The following FSTL5 variants were observed in gnomAD, a reference collection of about 807,000 sequenced individuals.
FSTL5 encodes the protein follistatin-related protein 5.
FSTL5 carries 62 observed loss-of-function variants against 89.1 expected under a neutral mutation model. That is an observed-to-expected ratio of 0.70 (90% CI 0.57 to 0.86). FSTL5 has a LOEUF of 0.86. FSTL5 is among the 40% of genes least tolerant of loss of function. The pLI, the probability that FSTL5 is intolerant of heterozygous loss-of-function variation, is 0.00. For missense variants in FSTL5, 1,057 were observed against 1,001.6 expected (o/e 1.06, Z -0.75); for synonymous variants, 383 against 346.2 (o/e 1.11, Z -1.18).
intron 2 of FSTL5, among the ~76,000 whole-genome samples, chr4:162,095,207 A>G (rs756528249): frequency 1.3e-5 from 2 of 152,124 alleles, no homozygotes; most frequent in Non-Finnish European, 1.5e-5. Flanking sequence ...GTTTCAAGAG[A>G]GGCCAAGTCT....
intron 6 of FSTL5, among the ~76,000 whole-genome samples, chr4:161,693,731 C>T (rs995129894): frequency 5.1e-4 from 76 of 150,192 alleles, no homozygotes; most frequent in Non-Finnish European, 4.7e-4. Flanking sequence ...CTCTGCATCC[C>T]GGGTTCACGC....
rs1376171064 is a variant in FSTL5, at chr4:161,986,467, G to A, written c.160+47158C>T. On this transcript the variant is annotated intron_variant, in intron 3 of 15. Coordinates refer to ENST00000306100, the MANE Select transcript of FSTL5 (RefSeq NM_020116.5). ...CTCAGGAGGCTGAGGCAGGAGAATC[G>A]CTTGAACCCTGGGGCCAGAGGTTGC... Among the ~76,000 whole-genome samples the A allele has an allele frequency of 5.9e-5, 9 of 152,054 alleles. No individual in the cohort carries two copies. In the South Asian group the frequency reaches 8.3e-4, roughly 14 times the overall value.
At chr4:162,155,631 A>G (rs1733437339) in intron 1 of FSTL5, among the ~76,000 whole-genome samples, 1 of 152,228 alleles carries the variant, frequency 6.6e-6, no homozygotes, top group African/African-American at 2.4e-5. Flanking sequence ...CAAAAACTGC[A>G]ACAACTCTGA....
intron 3 of FSTL5, among the ~76,000 whole-genome samples, chr4:161,935,767 C>G (rs2110908178): frequency 6.6e-6 from 1 of 152,228 alleles, no homozygotes; most frequent in East Asian, 1.9e-4. Context: ...GATTTTCTTC[C>G]TTGACCTCTC....
intron 1 of FSTL5, among the ~76,000 whole-genome samples, chr4:162,151,053 G>T (rs1733205382): frequency 6.6e-6 from 1 of 152,096 alleles, no homozygotes; most frequent in South Asian, 2.1e-4. Context: ...AATCAGGAAT[G>T]AATAACACTA....
intron 3 of FSTL5, among the ~76,000 whole-genome samples, chr4:162,016,774 C>T (rs1736927383): frequency 6.6e-6 from 1 of 152,104 alleles, no homozygotes; most frequent in Non-Finnish European, 1.5e-5. Context: ...TTACAGTTCA[C>T]AACATGACTG....
intron 13 of FSTL5, among the ~76,000 whole-genome samples, chr4:161,479,728 T>C (rs1462253022): frequency 6.6e-6 from 1 of 152,180 alleles, no homozygotes; most frequent in Non-Finnish European, 1.5e-5. Flanking sequence ...TCTATTAGAA[T>C]AACTTCTTCC....
rs144584467 is a variant in FSTL5, at chr4:161,942,357, C to T, written c.161-21705G>A. Among the ~76,000 whole-genome samples, 55 of 151,388 alleles carry T rather than the reference C, an allele frequency of 3.6e-4. 1 individual carries two copies. Among genetic ancestry groups the T allele is most frequent in the African/African-American group, 1.3e-3 (53 of 41,342 alleles). On this transcript the variant is annotated intron_variant, in intron 3 of 15. Transcript: ENST00000306100. The stretch of plus-strand genomic sequence containing the variant: ...CAAGTTGGTTCTTTGGAAAGATCAA[C>T]ATAATTGACAAAAATTTAGCTTGAC...
intron 1 of FSTL5, among the ~76,000 whole-genome samples, chr4:162,122,703 G>A (rs114427506): frequency 0.037 from 5,556 of 152,084 alleles, 168 homozygotes; most frequent in Non-Finnish European, 0.05. Flanking sequence ...GGTAGCAAAT[G>A]GATGTTATCA....
At chr4:161,600,725 CA>C (rs1160430366) in intron 7 of FSTL5, among the ~76,000 whole-genome samples, 1 of 152,028 alleles carries the variant, frequency 6.6e-6, no homozygotes, top group Admixed American at 6.6e-5. Flanking sequence ...CAAAAATATT[CA>C]TAATCGAATG....
chr4:161,767,876 T>C (rs538192561), intron 5 of FSTL5, among the ~76,000 whole-genome samples: 8 of 150,596 alleles, frequency 5.3e-5, no homozygotes, highest in Non-Finnish European at 1.0e-4. Context: ...AAAGAGAAAA[T>C]AGGCAATGAA....
At chr4:162,021,854 A>G (rs545103501) in intron 3 of FSTL5, among the ~76,000 whole-genome samples, 1 of 152,198 alleles carries the variant, frequency 6.6e-6, no homozygotes, top group South Asian at 2.1e-4. Flanking sequence ...GCACTTTGGG[A>G]GGCCGAGGCG....
Position 161,612,513 on chromosome 4 carries a change from T to G in FSTL5, c.895-24938A>C, listed in dbSNP as rs74866174. Among the ~76,000 whole-genome samples, 24 of 152,350 alleles carry G rather than the reference T, an allele frequency of 1.6e-4. 1 individual carries two copies. In the East Asian group the frequency reaches 4.4e-3, roughly 28 times the overall value. ...AAATCCACACTATTAAATTCAACTA[T>G]TGTGCTCTGACATTCATTAGCCTCC... On this transcript the variant is annotated intron_variant, in intron 7 of 15. Transcript: ENST00000306100.
At chr4:161,590,717 T>A (rs1172478189) in intron 7 of FSTL5, among the ~76,000 whole-genome samples, 1 of 152,178 alleles carries the variant, frequency 6.6e-6, no homozygotes, top group Non-Finnish European at 1.5e-5. Context: ...ATGCTCTACA[T>A]TGGTTAAAAT....
At chr4:161,484,461 C>G (rs1319626437) in intron 12 of FSTL5, among the ~76,000 whole-genome samples, 1 of 152,170 alleles carries the variant, frequency 6.6e-6, no homozygotes, top group Admixed American at 6.5e-5. Context: ...CAAACATTCA[C>G]ATTGCCCCAT....
rs888956481 is a variant in FSTL5, at chr4:162,002,996, T to G, written c.160+30629A>C. 3.3e-5 allele frequency among the ~76,000 whole-genome samples: 5 copies of G among 151,858 alleles called. No individual in the cohort carries two copies. In the East Asian group the frequency reaches 9.7e-4, roughly 29 times the overall value. On this transcript the variant is annotated intron_variant, in intron 3 of 15. Transcript: ENST00000306100. Reference sequence around the variant, plus strand: ...CGTCTCTAATAAAAATACAAAAAATTAGCCGGCCGTGGTGTCAGGCGCCTC... The same window carrying G: ...CGTCTCTAATAAAAATACAAAAAATGAGCCGGCCGTGGTGTCAGGCGCCTC...
chr4:161,785,098 C>A (rs764543803), intron 4 of FSTL5, among the ~76,000 whole-genome samples: 63 of 151,954 alleles, frequency 4.1e-4, no homozygotes, highest in Non-Finnish European at 8.1e-4. Context: ...TTTGAAAACA[C>A]AATAGACCCA....
intron 3 of FSTL5, among the ~76,000 whole-genome samples, chr4:161,951,513 T>C (rs1035828687): frequency 6.6e-6 from 1 of 152,176 alleles, no homozygotes; most frequent in Non-Finnish European, 1.5e-5. Context: ...TCTGTCTTTT[T>C]ATCATTATTA....
intron 8 of FSTL5, among the ~76,000 whole-genome samples, chr4:161,546,091 T>A (rs1298905961): frequency 3.3e-5 from 5 of 151,292 alleles, no homozygotes; most frequent in Non-Finnish European, 7.4e-5. Context: ...TAACAAAAAT[T>A]GAAATTATAA....
Sources: gnomAD v4.1 joint callset for allele counts (sites outside exome capture counted in the v4.1 genomes callset) on GRCh38, gnomAD v4.1.1 for gene constraint, MANE v1.5 for transcripts, NCBI Gene and HGNC (gene_info 2026-07-23, HGNC 2026-07-21) for gene names.